Variants in PTPRK observed in about 807,000 individuals in gnomAD.
PTPRK encodes receptor-type tyrosine-protein phosphatase kappa.
Under a neutral mutation model 178.0 loss-of-function variants are expected in PTPRK, and 75 were observed. The observed-to-expected ratio is 0.42, with a 90% CI of 0.35 to 0.51. The LOEUF is 0.51. Among genes scored for constraint, PTPRK ranks in the 20% least tolerant of loss-of-function variants. PTPRK has a pLI of 0.02. For synonymous variants in PTPRK, 637 were observed against 620.6 expected (o/e 1.03, Z -0.39); for missense variants, 1,441 against 1,797.8 (o/e 0.80, Z 3.59).
intron 5 of PTPRK, among the ~76,000 whole-genome samples, chr6:128,223,043 T>C (rs1258327872): frequency 6.6e-6 from 1 of 152,118 alleles, no homozygotes; most frequent in African/African-American, 2.4e-5. Flanking sequence ...TATAAAAACT[T>C]ATTAACTGAC....
chr6:128,057,853 C>T (rs1294970761), intron 13 of PTPRK, among the ~76,000 whole-genome samples: 1 of 152,116 alleles, frequency 6.6e-6, no homozygotes, highest in African/African-American at 2.4e-5. Flanking sequence ...AATCATAATA[C>T]ATCTATATAG....
At chr6:128,324,576 A>C (rs1422484465) in intron 2 of PTPRK, among the ~76,000 whole-genome samples, 1 of 152,138 alleles carries the variant, frequency 6.6e-6, no homozygotes, top group Non-Finnish European at 1.5e-5. Flanking sequence ...CAAGCAAGTT[A>C]AATAATAAAG....
Position 127,981,143 on chromosome 6 carries a change from AC to A in PTPRK, c.3683del (p.Ser1228IlefsTer29). The A allele has an allele frequency of 6.2e-7, 1 of 1,614,056 alleles. No homozygotes were observed. Among genetic ancestry groups the A allele is most frequent in the Non-Finnish European group, 8.5e-7 (1 of 1,179,976 alleles). ...PFLITIDGES[S>X]NYINAALMDS... ...CCATAAGAGCAGCATTGATGTAGTT[AC>A]TGCTCTCCCCATCAATTGTAATTAA... On this transcript the variant is annotated frameshift_variant, in exon 25 of 30. Coordinates refer to ENST00000368226, the MANE Select transcript of PTPRK (RefSeq NM_002844.4). LOFTEE classifies it high-confidence loss of function.
intron 7 of PTPRK, among the ~76,000 whole-genome samples, chr6:128,167,204 G>C (rs1489661737): frequency 1.3e-5 from 2 of 151,504 alleles, no homozygotes; most frequent in Non-Finnish European, 3.0e-5. Flanking sequence ...ACAGAAATAT[G>C]TACACAGCCA....
chr6:128,391,761 T>C (rs1342194049), intron 2 of PTPRK, among the ~76,000 whole-genome samples: 1 of 151,908 alleles, frequency 6.6e-6, no homozygotes, highest in Admixed American at 6.6e-5. Context: ...TGTATTAAAA[T>C]GTGTTCCATG....
intron 7 of PTPRK, among the ~76,000 whole-genome samples, chr6:128,129,316 C>T (rs1255537463): frequency 6.6e-6 from 1 of 152,118 alleles, no homozygotes; most frequent in Non-Finnish European, 1.5e-5. Flanking sequence ...ATGTGTGGTG[C>T]ATGTTTTCAT....
At chr6:128,214,544 C>CATGATT (rs1554349429) in intron 6 of PTPRK, among the ~76,000 whole-genome samples, 1 of 149,952 alleles carries the variant, frequency 6.7e-6, no homozygotes, top group Non-Finnish European at 1.5e-5. Flanking sequence ...ACCAGTGATG[C>CATGATT]ATTATTATTA....
At chr6:128,139,476 C>T (rs1213851351) in intron 7 of PTPRK, among the ~76,000 whole-genome samples, 1 of 151,990 alleles carries the variant, frequency 6.6e-6, no homozygotes, top group Non-Finnish European at 1.5e-5. Context: ...AGGTACCCTA[C>T]TGAGAACCTA....
intron 7 of PTPRK, among the ~76,000 whole-genome samples, chr6:128,119,815 C>T (rs572671437): frequency 9.4e-4 from 143 of 152,018 alleles, no homozygotes; most frequent in Non-Finnish European, 1.9e-3. Flanking sequence ...TCAAATGAAC[C>T]GATGGACATA....
intron 13 of PTPRK, among the ~76,000 whole-genome samples, chr6:128,021,367 T>TG (rs536990293): frequency 7.6e-4 from 116 of 152,336 alleles, no homozygotes; most frequent in African/African-American, 2.7e-3. Flanking sequence ...CCGGGCGCAG[T>TG]GGCTCACGCC....
intron 2 of PTPRK, among the ~76,000 whole-genome samples, chr6:128,393,236 A>C (rs1253322922): frequency 1.3e-5 from 2 of 151,892 alleles, no homozygotes; most frequent in Admixed American, 1.3e-4. Flanking sequence ...GATTACAGGC[A>C]GCTGCCACCA....
intron 3 of PTPRK, among the ~76,000 whole-genome samples, chr6:128,281,553 A>G (rs1821676729): frequency 6.6e-6 from 1 of 152,064 alleles, no homozygotes; most frequent in Non-Finnish European, 1.5e-5. Context: ...AACCTCCAAG[A>G]ACACCCCTAT....
chr6:128,326,395 T>C (rs1007653512), intron 2 of PTPRK, among the ~76,000 whole-genome samples: 3 of 152,144 alleles, frequency 2.0e-5, no homozygotes, highest in Admixed American at 6.6e-5. Context: ...GTATAAAAGA[T>C]ACAGCTTTAA....
intron 9 of PTPRK, 117 bp from the exon 10 acceptor site, chr6:128,082,755 T>A (rs1785049999): frequency 6.0e-6 from 4 of 666,920 alleles, no homozygotes; most frequent in Non-Finnish European, 9.4e-6. Flanking sequence ...TGGTAATTTT[T>A]TTCTTCTTTT....
intron 1 of PTPRK, among the ~76,000 whole-genome samples, chr6:128,509,442 T>G (rs1269424264): frequency 6.6e-6 from 1 of 152,182 alleles, no homozygotes; most frequent in African/African-American, 2.4e-5. Context: ...ATGTATCACT[T>G]AAACATGCAA....
chr6:128,481,132 AG>A (rs1407099662), intron 1 of PTPRK, among the ~76,000 whole-genome samples: 2 of 151,354 alleles, frequency 1.3e-5, no homozygotes, highest in African/African-American at 4.9e-5. Flanking sequence ...AGAGAGAGAG[AG>A]GAAAAAAAAA....
chr6:128,304,028 A>ACTTATGCAATTTTGGAGCCCAGGG, intron 3 of PTPRK, among the ~76,000 whole-genome samples: 1 of 152,164 alleles, frequency 6.6e-6, no homozygotes. Flanking sequence ...GGAGCCCAGG[A>ACTTATGCAATTTTGGAGCCCAGGG]CTTATGCAAT....
At chr6:128,038,065 T>C (rs868060964) in intron 13 of PTPRK, among the ~76,000 whole-genome samples, 1 of 152,182 alleles carries the variant, frequency 6.6e-6, no homozygotes, top group Non-Finnish European at 1.5e-5. Flanking sequence ...ACAGGCATCA[T>C]AGTGAACACT....
chr6:128,199,933 T>A (rs1805609695), intron 6 of PTPRK, among the ~76,000 whole-genome samples: 1 of 150,602 alleles, frequency 6.6e-6, no homozygotes, highest in Non-Finnish European at 1.5e-5. Flanking sequence ...TGCTTCTGCC[T>A]ATGAGATGGA....
Sources: allele counts gnomAD v4.1 joint callset (sites outside exome capture counted in the v4.1 genomes callset), GRCh38; gene constraint gnomAD v4.1.1; transcripts MANE v1.5; gene names NCBI Gene and HGNC (gene_info 2026-07-23, HGNC 2026-07-21).